DNMT3A: variants seen among roughly 807,000 people sequenced by gnomAD.
The protein encoded by DNMT3A is DNA methyltransferase 3 alpha.
Under a neutral mutation model 117.6 loss-of-function variants are expected in DNMT3A, and 267 were observed. The observed-to-expected ratio is 2.27, with a 90% CI of 2.05 to 2.51. DNMT3A has a LOEUF of 2.51. DNMT3A is among the 30% of genes most tolerant of loss of function. The pLI is 0.00. For missense variants in DNMT3A, 1,029 were observed against 1,260.2 expected (o/e 0.82, Z 2.78); for synonymous variants, 432 against 474.8 (o/e 0.91, Z 1.17).
At position 25,252,974 on chromosome 2, in the gene DNMT3A, C is replaced by CG; in HGVS notation, c.640-4723_640-4722insC. 2.6e-5 allele frequency among the ~76,000 whole-genome samples: 4 copies of CG among 152,120 alleles called. No homozygotes were observed. The highest frequency in any genetic ancestry group is 5.9e-5 in the Non-Finnish European group (4 of 68,014). On this transcript the variant is annotated intron_variant, in intron 6 of 22. Transcript: ENST00000321117. The surrounding 1 kb of genome is among the most constrained non-coding windows in gnomAD (Gnocchi z 5.5). ...AAAAGCGCGGCGTGAGGAGGTCAGG[C>CG]TTCGAGTCCCAGGGCCCCTGCGTCA...
At chr2:25,258,526 T>C (rs781071309) in intron 6 of DNMT3A, among the ~76,000 whole-genome samples, 2 of 152,196 alleles carry the variant, frequency 1.3e-5, no homozygotes, top group Non-Finnish European at 2.9e-5. Context: ...CAAGAGCTAG[T>C]AGACATGATG....
At chr2:25,329,914 A>G (rs2034951475) in intron 1 of DNMT3A, among the ~76,000 whole-genome samples, 1 of 152,224 alleles carries the variant, frequency 6.6e-6, no homozygotes, top group Non-Finnish European at 1.5e-5. Flanking sequence ...GTATGGGCCA[A>G]AGAGGCATTT....
At chr2:25,264,359 C>T (rs1191035722) in intron 6 of DNMT3A, among the ~76,000 whole-genome samples, 4 of 151,848 alleles carry the variant, frequency 2.6e-5, no homozygotes, top group Non-Finnish European at 4.4e-5. Flanking sequence ...AGACTGGTCT[C>T]GAATTCCTGG....
intron 3 of DNMT3A, among the ~76,000 whole-genome samples, chr2:25,285,217 G>A (rs2032211771): frequency 6.6e-6 from 1 of 152,194 alleles, no homozygotes. Context: ...GACAGCACTG[G>A]GTCCCCAGCC....
At chr2:25,300,550 T>C (rs2033371833) in intron 2 of DNMT3A, among the ~76,000 whole-genome samples, 1 of 147,534 alleles carries the variant, frequency 6.8e-6, no homozygotes, top group South Asian at 2.1e-4. Context: ...GAGACCAGCC[T>C]GGGCAACATA....
rs1672898328 is a variant in DNMT3A, at chr2:25,231,922, A to G, written c.*2357T>C. On this transcript the variant is annotated 3_prime_UTR_variant, in exon 23 of 23. Coordinates refer to ENST00000321117, the MANE Select transcript of DNMT3A (RefSeq NM_022552.5). ...TCCACAAAGTCCTGAACCCTGGGAGAAGAGTGCTGGGAGCCCCCTGGCGTG... is the reference window on the plus strand; with the variant it reads ...TCCACAAAGTCCTGAACCCTGGGAGGAGAGTGCTGGGAGCCCCCTGGCGTG... The G allele has an allele frequency of 6.7e-6, 1 of 149,842 alleles. No homozygotes were observed. The highest frequency in any genetic ancestry group is 2.5e-5 in the African/African-American group (1 of 40,394). 9.3% of individuals were successfully genotyped at this position (149,842 alleles called of 1,614,324 possible). A position where few individuals can be genotyped will look rare whatever the true frequency, so the allele number is the denominator to read the frequency against.
At chr2:25,262,188 CAAAAAAAAAA>C (rs533414494) in intron 6 of DNMT3A, among the ~76,000 whole-genome samples, 1 of 93,746 alleles carries the variant, frequency 1.1e-5, no homozygotes, top group Non-Finnish European at 2.1e-5. Flanking sequence ...GACTCCGTCT[CAAAAAAAAAA>C]AAAAAAAAAA....
chr2:25,239,981 C>A (rs1035503064), intron 19 of DNMT3A, among the ~76,000 whole-genome samples: 10 of 152,214 alleles, frequency 6.6e-5, no homozygotes, highest in African/African-American at 2.4e-4. Context: ...TCTCAAAGAT[C>A]CTGGTGTGTA....
intron 2 of DNMT3A, among the ~76,000 whole-genome samples, chr2:25,308,968 T>TGCATACAC (rs2033927963): frequency 6.9e-6 from 1 of 144,046 alleles, no homozygotes; most frequent in African/African-American, 2.6e-5. Context: ...CACAGATGCA[T>TGCATACAC]ACACACACAC....
At position 25,314,026 on chromosome 2, in the gene DNMT3A, G is replaced by A; in HGVS notation, c.-42C>T. 1 of 1,493,888 alleles carries A rather than the reference G, an allele frequency of 6.7e-7. No individual in the cohort carries two copies. The highest frequency in any genetic ancestry group is 8.9e-7 in the Non-Finnish European group (1 of 1,122,744). 92.5% of individuals were successfully genotyped at this position (1,493,888 alleles called of 1,614,324 possible). A position where few individuals can be genotyped will look rare whatever the true frequency, so the allele number is the denominator to read the frequency against. ...AGGCTGGGGCTGCGCGGGGCTGGGG[G>A]GCTGCTGGGCTTTGGGGAAGGAATT... On this transcript the variant is annotated 5_prime_UTR_variant, in exon 2 of 23. Coordinates refer to ENST00000321117, the MANE Select transcript of DNMT3A (RefSeq NM_022552.5).
intron 2 of DNMT3A, among the ~76,000 whole-genome samples, chr2:25,300,715 ATATATATATATATATATATATAT>A (rs2033425060): frequency 4.4e-4 from 2 of 4,538 alleles, no homozygotes; most frequent in African/African-American, 1.2e-3. Context: ...ATAATATAAT[ATATATATATATATATATATATAT>A]ATATATATAT....
In DNMT3A at chr2:25,247,144, CT is replaced by C; in HGVS notation, c.1028del (p.Lys343SerfsTer2). On this transcript the variant is annotated frameshift_variant, in exon 9 of 23. Transcript: ENST00000321117. LOFTEE classifies it high-confidence loss of function. The surrounding 1 kb of genome is among the most constrained non-coding windows in gnomAD (Gnocchi z 5.6). ...TGCAAAACGAGCTCAGCGGCATCAG[CT>C]TCTCAACACACACCTGGGGGGACAA... is the stretch of plus-strand genomic sequence containing the variant. ...DGKFSVVCVEKLMPLSSFCSA... is the reference protein window; with the variant it reads ...DGKFSVVCVEXLMPLSSFCSA... 6.2e-7 allele frequency: 1 copy of C among 1,614,034 alleles called. No individual in the cohort carries two copies. Among genetic ancestry groups the C allele is most frequent in the Non-Finnish European group, 8.5e-7 (1 of 1,179,944 alleles).
At chr2:25,308,114 C>A (rs143423156) in intron 2 of DNMT3A, among the ~76,000 whole-genome samples, 4 of 152,186 alleles carry the variant, frequency 2.6e-5, no homozygotes, top group Non-Finnish European at 5.9e-5. Context: ...TCTTCTCCCA[C>A]GCCCCTGCAA....
intron 1 of DNMT3A, among the ~76,000 whole-genome samples, chr2:25,321,611 AT>A (rs1203031311): frequency 2.6e-5 from 4 of 152,220 alleles, no homozygotes; most frequent in Non-Finnish European, 5.9e-5. Context: ...TGCACAAAAC[AT>A]TTTTGAGGCT....
chr2:25,339,510 G>A lies in DNMT3A; in HGVS notation c.-178+2316C>T, dbSNP rs1360022100. Among the ~76,000 whole-genome samples the A allele has an allele frequency of 6.6e-6, 1 of 152,190 alleles. No individual in the cohort carries two copies. The highest frequency in any genetic ancestry group is 1.5e-5 in the Non-Finnish European group (1 of 68,028). On this transcript the variant is annotated intron_variant, in intron 1 of 22. Transcript: ENST00000321117. The surrounding 1 kb of genome is among the most constrained non-coding windows in gnomAD (Gnocchi z 4.9). ...TGGGGAGGAGCTGCACAGAGGAGGG[G>A]GACCCACCAGGGAGGCAGGCAGGTG...
chr2:25,242,051 C>G (rs570277188), intron 16 of DNMT3A: 13 of 290,654 alleles, frequency 4.5e-5, no homozygotes, highest in Admixed American at 2.8e-4. Flanking sequence ...CCTTCCATAC[C>G]CTCTTATCAC....
chr2:25,322,397 T>TACAACACTGGTA (rs2034629478), intron 1 of DNMT3A, among the ~76,000 whole-genome samples: 1 of 151,644 alleles, frequency 6.6e-6, no homozygotes, highest in Non-Finnish European at 1.5e-5. Flanking sequence ...CATCATCAGC[T>TACAACACTGGTA]CCTCACACCC....
upstream of DNMT3A, chr2:25,341,992 C>A: frequency 3.1e-6 from 3 of 953,426 alleles, no homozygotes; most frequent in South Asian, 4.7e-5. Context: ...CTCGCTGTCG[C>A]GCTCCCTCTC....
At chr2:25,240,544 A>C in intron 18 of DNMT3A, 94 bp from the exon 19 acceptor site, 1 of 1,590,294 alleles carries the variant, frequency 6.3e-7, no homozygotes, top group Non-Finnish European at 8.6e-7. Flanking sequence ...AGACAGGGTC[A>C]TCGGGAATAG....
Sources: allele counts gnomAD v4.1 joint callset (sites outside exome capture counted in the v4.1 genomes callset), GRCh38; gene constraint gnomAD v4.1.1; non-coding constraint Gnocchi (gnomAD v3.1); transcripts MANE v1.5; gene names NCBI Gene and HGNC (gene_info 2026-07-23, HGNC 2026-07-21).